BCL2L14: variants seen among roughly 807,000 people sequenced by gnomAD.
The protein encoded by BCL2L14 is BCL2 like 14, also known as apoptosis facilitator Bcl-2-like protein 14.
A neutral mutation model predicts 35.3 loss-of-function variants in BCL2L14; 27 were observed. The ratio of observed to expected loss-of-function variants is 0.76; its 90% CI spans 0.56 to 1.05. The LOEUF (loss-of-function observed/expected upper bound fraction) is 1.05, where lower values mean the gene tolerates loss of function less well. Ranked by LOEUF, BCL2L14 falls within the 50% of genes least tolerant of loss-of-function variation. BCL2L14 has a pLI of 0.00. For synonymous variants in BCL2L14, 139 were observed against 145.9 expected, an observed-to-expected ratio of 0.95 and a Z score of 0.34; for missense variants, 377 against 382.6, an observed-to-expected ratio of 0.99 and a Z score of 0.12.
At chr12:12,068,315 T>C (rs1948618281), upstream of BCL2L14, 1 of 396,690 alleles carries the variant, frequency 2.5e-6, no homozygotes, top group Non-Finnish European at 4.4e-6. Context: ...AACTCCAGTA[T>C]GGACATACTA....
chr12:12,089,349 A>T (rs1408226797), intron 3 of BCL2L14, among the ~76,000 whole-genome samples: 1 of 149,802 alleles, frequency 6.7e-6, no homozygotes, highest in East Asian at 2.0e-4. Context: ...AGCCTGGGTG[A>T]CAAGAGTGAA....
At chr12:12,094,118 A>AG (rs1555095179) in intron 4 of BCL2L14, among the ~76,000 whole-genome samples, 58 of 151,324 alleles carry the variant, frequency 3.8e-4, no homozygotes, top group African/African-American at 1.3e-3. Context: ...AAAAAAAAAA[A>AG]AAAGAAAGAA....
chr12:12,083,060 G>A (rs1565472952), intron 2 of BCL2L14, among the ~76,000 whole-genome samples: 1 of 152,158 alleles, frequency 6.6e-6, no homozygotes, highest in African/African-American at 2.4e-5. Flanking sequence ...TGCCTCCTGG[G>A]TTCACACCAT....
At chr12:12,065,150 C>G (rs536212649) in intron 2 of BCL2L14, among the ~76,000 whole-genome samples, 6 of 152,116 alleles carry the variant, frequency 3.9e-5, no homozygotes, top group Non-Finnish European at 5.9e-5. Context: ...TGCATACACA[C>G]AGGATCGCTC....
At chr12:12,087,155 C>T in intron 2 of BCL2L14, 58 bp from the exon 3 acceptor site, 1 of 1,571,676 alleles carries the variant, frequency 6.4e-7, no homozygotes, top group South Asian at 1.2e-5. Flanking sequence ...CTTTGCATAC[C>T]AATGAGCCAG....
upstream of BCL2L14, among the ~76,000 whole-genome samples, chr12:12,066,652 T>C (rs1948597114): frequency 1.3e-5 from 2 of 152,094 alleles, no homozygotes; most frequent in Admixed American, 6.5e-5. Context: ...GATGAAAAGC[T>C]CTACCCTGCA....
intron 2 of BCL2L14, among the ~76,000 whole-genome samples, chr12:12,063,069 C>T (rs1948548727): frequency 6.6e-6 from 1 of 152,164 alleles, no homozygotes; most frequent in Non-Finnish European, 1.5e-5. Context: ...AGGCCCCAGT[C>T]TCATTCCAGA....
intron 2 of BCL2L14, among the ~76,000 whole-genome samples, chr12:12,062,082 T>G (rs28765988): frequency 0.92 from 131,746 of 143,414 alleles, 60,450 homozygotes; most frequent in East Asian, 0.99. Flanking sequence ...AATCACAAAC[T>G]ATGCTCAACT....
upstream of BCL2L14, among the ~76,000 whole-genome samples, chr12:12,069,083 G>C (rs764782153): frequency 1.4e-4 from 21 of 152,152 alleles, no homozygotes; most frequent in Admixed American, 3.3e-4. Context: ...CATTATCATT[G>C]GCATATAATG....
intron 1 of BCL2L14, among the ~76,000 whole-genome samples, chr12:12,051,591 C>G (rs1015782287): frequency 1.3e-5 from 2 of 152,172 alleles, no homozygotes; most frequent in African/African-American, 2.4e-5. Flanking sequence ...CCATTCTGCT[C>G]TTTAGCACTA....
At chr12:12,089,615 T>A (rs534224980) in intron 3 of BCL2L14, among the ~76,000 whole-genome samples, 3 of 151,950 alleles carry the variant, frequency 2.0e-5, no homozygotes, top group South Asian at 2.1e-4. Flanking sequence ...GGAGAATCAC[T>A]TGAACCTGGG....
Position 12,080,000 on chromosome 12 carries a change from T to C in BCL2L14, c.433+262T>C, listed in dbSNP as rs575082249. On this transcript the variant is annotated intron_variant, in intron 2 of 5. Coordinates refer to ENST00000308721, the MANE Select transcript of BCL2L14 (RefSeq NM_138723.2). ...CGGGTGGATCATGAGGTCAGGAGAT[T>C]GAGACCATCCTGGCTAACACGGTAA... Among the ~76,000 whole-genome samples, 386 of 151,822 alleles carry C rather than the reference T, an allele frequency of 2.5e-3. 5 individuals are homozygous for C. Among genetic ancestry groups the C allele is most frequent in the South Asian group, 6.9e-3 (33 of 4,810 alleles).
At chr12:12,096,662 T>C (rs529131814) in intron 5 of BCL2L14, among the ~76,000 whole-genome samples, 1 of 152,304 alleles carries the variant, frequency 6.6e-6, no homozygotes, top group East Asian at 1.9e-4. Flanking sequence ...ATTTCAACAG[T>C]AGGAAAATGC....
intron 2 of BCL2L14, among the ~76,000 whole-genome samples, chr12:12,052,195 A>G (rs2416988): frequency 0.45 from 68,026 of 152,104 alleles, 16,478 homozygotes; most frequent in East Asian, 0.76. Flanking sequence ...AATCAGGCTA[A>G]TTAGTAAATC....
At chr12:12,098,193 G>A (rs186681576) in intron 5 of BCL2L14, among the ~76,000 whole-genome samples, 12 of 152,224 alleles carry the variant, frequency 7.9e-5, no homozygotes, top group Admixed American at 7.2e-4. Context: ...AGCCTCCTGG[G>A]ACTTCCATTG....
chr12:12,087,177 G>A, intron 2 of BCL2L14, 36 bp from the exon 3 acceptor site: 1 of 1,606,278 alleles, frequency 6.2e-7, no homozygotes, highest in Non-Finnish European at 8.5e-7. Flanking sequence ...TGAAGTTCTG[G>A]GAAGGGCCTC....
chr12:12,058,950 C>G (rs565325698), intron 2 of BCL2L14, among the ~76,000 whole-genome samples: 2 of 152,218 alleles, frequency 1.3e-5, no homozygotes, highest in Non-Finnish European at 2.9e-5. Flanking sequence ...TCTTTTTACT[C>G]TCTTCTCCAA....
At chr12:12,071,699 C>T (rs921213199) in intron 1 of BCL2L14, 4 of 152,258 alleles carry the variant, frequency 2.6e-5, no homozygotes, top group Admixed American at 2.6e-4. Context: ...CTCTAGAAAG[C>T]TCCCTCCTCC....
In BCL2L14 at chr12:12,060,209, T is replaced by A. The variant is rs372079264; in HGVS notation, c.-272+8362T>A. On this transcript the variant is annotated intron_variant, in intron 2 of 3. Transcript: ENST00000461264. Reference sequence around the variant, plus strand: ...TTCGTTCCATGACTAGCCCTCCCCCTCCTGCCCAGCAATTTACTCTTGAAA... The same window carrying A: ...TTCGTTCCATGACTAGCCCTCCCCCACCTGCCCAGCAATTTACTCTTGAAA... Among the ~76,000 whole-genome samples the A allele has an allele frequency of 1.6e-3, 236 of 151,362 alleles. 6 individuals carry two copies. In the East Asian group the frequency reaches 0.02, roughly 13 times the overall value.
Sources: gnomAD v4.1 joint callset for allele counts (sites outside exome capture counted in the v4.1 genomes callset) on GRCh38, gnomAD v4.1.1 for gene constraint, MANE v1.5 for transcripts, NCBI Gene and HGNC (gene_info 2026-07-23, HGNC 2026-07-21) for gene names.